The following KMT5B variants were observed in gnomAD, a reference collection of about 807,000 sequenced individuals.
KMT5B encodes the protein histone-lysine N-methyltransferase KMT5B.
Under a neutral mutation model 83.2 loss-of-function variants are expected in KMT5B, and 10 were observed. The ratio of observed to expected loss-of-function variants is 0.12; its 90% CI spans 0.07 to 0.20. KMT5B has a LOEUF of 0.20. KMT5B is among the 10% of genes least tolerant of loss of function. KMT5B has a pLI of 1.00. For missense variants in KMT5B, 753 were observed against 1,067.2 expected, an observed-to-expected ratio of 0.71 and a Z score of 4.10; for synonymous variants, 349 against 388.8, an observed-to-expected ratio of 0.90 and a Z score of 1.20.
rs776217922 is a variant in KMT5B at position 68,185,973 on chromosome 11, C to T, written c.161-45G>A. The T allele has an allele frequency of 9.8e-6, 15 of 1,530,764 alleles. No homozygotes were observed. In the South Asian group the frequency reaches 1.6e-4, roughly 17 times the overall value. The allele number at this position is 1,530,764 out of a possible 1,614,324, so 94.8% of individuals were successfully genotyped here. On this transcript the variant is annotated intron_variant, in intron 2 of 10. Transcript: ENST00000304363. ...GAAAAATTACTCAAATTGAAAACTA[C>T]TTAAATCTGCCTTAAAATCTTTAGC...
At chr11:68,159,273 A>C in intron 10 of KMT5B, 102 bp from the exon 11 acceptor site, 1 of 1,439,150 alleles carries the variant, frequency 6.9e-7, no homozygotes, top group Non-Finnish European at 9.1e-7. Context: ...TTTAGATTAC[A>C]CAAACGCCAA....
intron 1 of KMT5B, among the ~76,000 whole-genome samples, chr11:68,211,070 T>C (rs954284440): frequency 6.6e-6 from 1 of 152,280 alleles, no homozygotes; most frequent in Admixed American, 6.5e-5. Context: ...ACCCAGGCCC[T>C]ATAAACCCAC....
At chr11:68,177,008 G>A (rs537062453) in intron 4 of KMT5B, among the ~76,000 whole-genome samples, 1 of 152,202 alleles carries the variant, frequency 6.6e-6, no homozygotes, top group Admixed American at 6.5e-5. Flanking sequence ...TTTTCCTAGA[G>A]AAGCTATCAT....
intron 9 of KMT5B, among the ~76,000 whole-genome samples, chr11:68,170,488 T>G (rs1048208081): frequency 6.6e-6 from 1 of 152,158 alleles, no homozygotes; most frequent in Admixed American, 6.5e-5. Flanking sequence ...CAATATGAAC[T>G]GGTGGTCCTG....
intron 10 of KMT5B, among the ~76,000 whole-genome samples, chr11:68,159,479 C>T (rs77313375): frequency 0.037 from 5,681 of 152,256 alleles, 141 homozygotes; most frequent in Non-Finnish European, 0.057. Flanking sequence ...CCCAAACGAA[C>T]GCTTTCTTCT....
Position 68,167,029 on chromosome 11 carries a change from A to G in KMT5B, c.1127T>C (p.Val376Ala). The G allele has an allele frequency of 6.2e-7, 1 of 1,614,164 alleles. No individual in the cohort carries two copies. The highest frequency in any genetic ancestry group is 8.5e-7 in the Non-Finnish European group (1 of 1,180,014). The change falls in exon 10 of 11, where the codon GTC becomes GCC. Residue 376 changes from valine to alanine, a missense_variant. Transcript: ENST00000304363. Reference protein sequence around the residue: ...DSSKNSDSQSVSSNTDADTTQ... With the variant: ...DSSKNSDSQSASSNTDADTTQ... ...GGTATCTGCATCAGTGTTAGAGCTG[A>G]CAGATTGACTGTCTGAATTTTTGCT...
chr11:68,186,842 G>A (rs899754929), intron 2 of KMT5B, among the ~76,000 whole-genome samples: 2 of 152,142 alleles, frequency 1.3e-5, no homozygotes, highest in Non-Finnish European at 2.9e-5. Flanking sequence ...CTCTTTCACA[G>A]AACAAATACT....
At chr11:68,208,116 C>T (rs748076382) in intron 1 of KMT5B, among the ~76,000 whole-genome samples, 56 of 148,958 alleles carry the variant, frequency 3.8e-4, no homozygotes, top group Non-Finnish European at 6.7e-4. Flanking sequence ...AGGTTACAGG[C>T]GTGAGCCATC....
At chr11:68,198,333 AAGAT>A (rs376436242) in intron 1 of KMT5B, among the ~76,000 whole-genome samples, 13 of 152,176 alleles carry the variant, frequency 8.5e-5, no homozygotes, top group African/African-American at 3.1e-4. Flanking sequence ...GCACTGAGCC[AAGAT>A]TGTGCCACTG....
intron 1 of KMT5B, among the ~76,000 whole-genome samples, chr11:68,201,426 T>C (rs535630730): frequency 2.6e-5 from 4 of 152,318 alleles, no homozygotes; most frequent in African/African-American, 9.6e-5. Flanking sequence ...CCTCAACAAA[T>C]GTCAATGCCC....
chr11:68,171,380 C>A lies in KMT5B; in HGVS notation c.821-129G>T. 7.9e-7 allele frequency: 1 copy of A among 1,268,048 alleles called. No individual in the cohort carries two copies. Among genetic ancestry groups the A allele is most frequent in the South Asian group, 1.3e-5 (1 of 74,142 alleles). 78.5% of individuals were successfully genotyped at this position (1,268,048 alleles called of 1,614,324 possible). A position where few individuals can be genotyped will look rare whatever the true frequency, so the allele number is the denominator to read the frequency against. Reference sequence around the variant, plus strand: ...TTGATAGGAGTTTAGGTCTCAAGTTCAACTAAAGGAATATACATTTATTTT... The same window carrying A: ...TTGATAGGAGTTTAGGTCTCAAGTTAAACTAAAGGAATATACATTTATTTT... On this transcript the variant is annotated intron_variant, in intron 7 of 10. Transcript: ENST00000304363. The surrounding 1 kb of genome is among the most constrained non-coding windows in gnomAD (Gnocchi z 5.1).
chr11:68,165,159 T>C (rs1565219673), intron 10 of KMT5B, among the ~76,000 whole-genome samples: 1 of 152,200 alleles, frequency 6.6e-6, no homozygotes. Context: ...ACTCTGTGGC[T>C]GTCTCCATAT....
Position 68,161,828 on chromosome 11 carries a change from C to T in KMT5B, c.1175-2657G>A, listed in dbSNP as rs1025664059. ...GCCCCAGGTGACAAGCACCCATTCTCGCACGGCTATTACCACTTACAGGCT... is the reference window on the plus strand; with the variant it reads ...GCCCCAGGTGACAAGCACCCATTCTTGCACGGCTATTACCACTTACAGGCT... On this transcript the variant is annotated intron_variant, in intron 10 of 10. Coordinates refer to ENST00000304363, the MANE Select transcript of KMT5B (RefSeq NM_017635.5). Among the ~76,000 whole-genome samples, 12 of 152,278 alleles carry T rather than the reference C, an allele frequency of 7.9e-5. No individual in the cohort carries two copies. The South Asian group carries it at 1.0e-3, about 13-fold the overall frequency.
intron 3 of KMT5B, 112 bp from the exon 4 acceptor site, chr11:68,180,312 T>A (rs1191104184): frequency 1.8e-5 from 26 of 1,414,894 alleles, no homozygotes; most frequent in South Asian, 5.3e-5. Flanking sequence ...TTTAAAACTC[T>A]GTGATAATCA....
intron 1 of KMT5B, among the ~76,000 whole-genome samples, chr11:68,203,209 C>T (rs1024456420): frequency 6.6e-6 from 1 of 152,024 alleles, no homozygotes; most frequent in Non-Finnish European, 1.5e-5. Flanking sequence ...CTCCTGACCT[C>T]GTGATCTGCC....
intron 3 of KMT5B, among the ~76,000 whole-genome samples, chr11:68,184,165 G>T (rs1857212917): frequency 6.6e-6 from 1 of 151,908 alleles, no homozygotes; most frequent in African/African-American, 2.4e-5. Flanking sequence ...GAGGTCAGGA[G>T]TTTCAAGACC....
At chr11:68,173,097 G>A (rs1856003885) in intron 6 of KMT5B, among the ~76,000 whole-genome samples, 1 of 152,188 alleles carries the variant, frequency 6.6e-6, no homozygotes, top group Non-Finnish European at 1.5e-5. Context: ...CTGGAGTGCA[G>A]TGGCGCGATC....
At chr11:68,198,492 C>A (rs1208643952) in intron 1 of KMT5B, among the ~76,000 whole-genome samples, 2 of 136,690 alleles carry the variant, frequency 1.5e-5, no homozygotes, top group Non-Finnish European at 1.6e-5. Context: ...CAAGACAAGA[C>A]AAGACAGGGC....
At chr11:68,206,516 G>A (rs1860134050) in intron 1 of KMT5B, among the ~76,000 whole-genome samples, 2 of 152,160 alleles carry the variant, frequency 1.3e-5, no homozygotes, top group Admixed American at 1.3e-4. Flanking sequence ...AGGGATTAAG[G>A]ATGTGGCTCT....
Sources: gnomAD v4.1 joint callset for allele counts (sites outside exome capture counted in the v4.1 genomes callset) on GRCh38, gnomAD v4.1.1 for gene constraint, Gnocchi (gnomAD v3.1) non-coding constraint, MANE v1.5 for transcripts, NCBI Gene and HGNC (gene_info 2026-07-23, HGNC 2026-07-21) for gene names.